The following MUC13 variants were observed in gnomAD, a reference collection of about 807,000 sequenced individuals.
MUC13 encodes mucin-13.
In MUC13, 32 loss-of-function variants were observed where a neutral mutation model predicts 48.3. The observed-to-expected ratio is 0.66, with a 90% CI of 0.50 to 0.89. MUC13 has a LOEUF of 0.89. Among genes scored for constraint, MUC13 ranks in the 40% least tolerant of loss-of-function variants. The pLI is 0.00. For synonymous variants in MUC13, 199 were observed against 224.9 expected (o/e 0.88, Z 1.03); for missense variants, 571 against 622.8 (o/e 0.92, Z 0.88).
At chr3:124,929,656 C>T (rs181451125) in intron 1 of MUC13, among the ~76,000 whole-genome samples, 1 of 152,176 alleles carries the variant, frequency 6.6e-6, no homozygotes, top group Non-Finnish European at 1.5e-5. Context: ...CCTATTCCTG[C>T]CACTCAGGAT....
At chr3:124,906,846 C>T (rs1210115357) in intron 11 of MUC13, 104 bp from the exon 12 acceptor site, 1 of 152,158 alleles carries the variant, frequency 6.6e-6, no homozygotes, top group Non-Finnish European at 1.5e-5. Context: ...CTTTCATTAA[C>T]ATTATTTGTC....
intron 1 of MUC13, among the ~76,000 whole-genome samples, chr3:124,928,678 G>T (rs141403183): frequency 2.0e-5 from 3 of 152,102 alleles, no homozygotes; most frequent in Non-Finnish European, 2.9e-5. Context: ...CACCAGTCCC[G>T]CAGAAGAGTT....
intron 9 of MUC13, among the ~76,000 whole-genome samples, chr3:124,911,772 T>C (rs1935423791): frequency 6.6e-6 from 1 of 152,162 alleles, no homozygotes; most frequent in Non-Finnish European, 1.5e-5. Flanking sequence ...TGGTCTTTTA[T>C]CTCTAGTAGC....
At chr3:124,918,740 G>A (rs1183529631) in intron 5 of MUC13, among the ~76,000 whole-genome samples, 1 of 152,120 alleles carries the variant, frequency 6.6e-6, no homozygotes, top group Non-Finnish European at 1.5e-5. Context: ...ATTCCTGTTT[G>A]TATCCAGTCA....
intron 1 of MUC13, among the ~76,000 whole-genome samples, chr3:124,931,444 A>AT (rs1935795241): frequency 6.6e-6 from 1 of 150,548 alleles, no homozygotes. Flanking sequence ...AAAAAAAAAA[A>AT]GCAACTTTTT....
chr3:124,909,804 G>C (rs1157997278), intron 10 of MUC13, among the ~76,000 whole-genome samples: 1 of 152,172 alleles, frequency 6.6e-6, no homozygotes, highest in Non-Finnish European at 1.5e-5. Flanking sequence ...GACAACTTCA[G>C]TGGAGTTAAA....
intron 6 of MUC13, among the ~76,000 whole-genome samples, chr3:124,914,416 G>GA (rs1204693125): frequency 6.0e-4 from 88 of 145,822 alleles, no homozygotes; most frequent in African/African-American, 6.5e-4. Context: ...GTCTCGGGGA[G>GA]AAAAAAAAAA....
At chr3:124,913,034 T>C in intron 8 of MUC13, 77 bp downstream of exon 8, 1 of 1,525,250 alleles carries the variant, frequency 6.6e-7, no homozygotes, top group Non-Finnish European at 8.9e-7. Context: ...ACTCAACACC[T>C]ATATACGTGT....
intron 2 of MUC13, among the ~76,000 whole-genome samples, 170 bp from the exon 3 acceptor site, chr3:124,923,819 G>A (rs111535897): frequency 4.0e-4 from 61 of 152,100 alleles, no homozygotes; most frequent in African/African-American, 1.4e-3. Context: ...GCTTGCTTAG[G>A]TCTCTAGAGA....
intron 9 of MUC13, among the ~76,000 whole-genome samples, chr3:124,911,025 C>T (rs972438906): frequency 3.9e-5 from 6 of 152,172 alleles, no homozygotes; most frequent in Middle Eastern, 6.3e-3. Flanking sequence ...GGCTATGAGA[C>T]ACAATGTAAC....
chr3:124,928,382 T>C (rs1361290338), intron 1 of MUC13, among the ~76,000 whole-genome samples: 9 of 152,178 alleles, frequency 5.9e-5, no homozygotes, highest in Non-Finnish European at 2.9e-5. Flanking sequence ...AGTTAATGTT[T>C]ATTTATTTAT....
At chr3:124,934,595 C>A (rs1219176718) in intron 1 of MUC13, 66 bp downstream of exon 1, 3 of 1,138,668 alleles carry the variant, frequency 2.6e-6, no homozygotes, top group Non-Finnish European at 4.0e-6. Context: ...AGCTATAGGC[C>A]TGCTGATTCT....
chr3:124,934,534 G>A lies in MUC13; in HGVS notation c.52+127C>T, dbSNP rs1935850920. ...GTCTGTGTCTTTGAGCTGAGCTGGA[G>A]AGGAAACTTCATTTATAAAATAGAC... is the stretch of plus-strand genomic sequence containing the variant. On this transcript the variant is annotated intron_variant, in intron 1 of 11. Coordinates refer to ENST00000616727, the MANE Select transcript of MUC13 (RefSeq NM_033049.4). 1.0e-5 allele frequency: 7 copies of A among 674,186 alleles called. No homozygotes were observed. In the South Asian group the frequency reaches 1.3e-4, roughly 12 times the overall value. 41.8% of individuals were successfully genotyped at this position (674,186 alleles called of 1,614,324 possible). A position where few individuals can be genotyped will look rare whatever the true frequency, so the allele number is the denominator to read the frequency against.
chr3:124,911,914 G>T (rs550949697), intron 9 of MUC13, among the ~76,000 whole-genome samples, 190 bp downstream of exon 9: 1 of 152,256 alleles, frequency 6.6e-6, no homozygotes, highest in African/African-American at 2.4e-5. Context: ...ATGGCAGAGG[G>T]GCTGCTGTTC....
rs539330253 is a variant in MUC13, at chr3:124,913,680, C to T, written c.966G>A (p.Leu322=). 1.2e-5 allele frequency: 19 copies of T among 1,614,120 alleles called. 1 individual carries two copies. The South Asian group carries it at 1.6e-4, about 14-fold the overall frequency. The change falls in exon 7 of 12, where the codon TTG becomes TTA. Residue 322 remains leucine (L), a splice_region_variant and synonymous_variant. Transcript: ENST00000616727. The part of the protein sequence containing the change: ...SSSSNFLNYD[L]TLRCDYYGCN... ...AGCCATAATAATCACACCGAAGGGT[C>T]ACTGAGAAGCACAAATAGTTTAAAA...
intron 2 of MUC13, among the ~76,000 whole-genome samples, chr3:124,925,107 A>G (rs1401499294): frequency 6.6e-6 from 1 of 152,238 alleles, no homozygotes; most frequent in African/African-American, 2.4e-5. Context: ...GAATGGATAA[A>G]CAAACTGGTA....
intron 1 of MUC13, 49 bp from the exon 2 acceptor site, chr3:124,928,042 T>A: frequency 7.9e-7 from 1 of 1,263,572 alleles, no homozygotes; most frequent in Non-Finnish European, 1.1e-6. Flanking sequence ...ATTGAATAAC[T>A]AATGGCAGTT....
Position 124,915,397 on chromosome 3 carries a change from C to T in MUC13, c.964+920G>A, listed in dbSNP as rs181860097. 2.5e-3 allele frequency among the ~76,000 whole-genome samples: 375 copies of T among 152,340 alleles called. 2 individuals carry two copies. Among genetic ancestry groups the T allele is most frequent in the Non-Finnish European group, 4.5e-3 (305 of 68,026 alleles). ...AAATATTTGTGCATTGAATCTTACCCTCTTGCTGCTCTTGAAATCCTTTGG... is the reference window on the plus strand; with the variant it reads ...AAATATTTGTGCATTGAATCTTACCTTCTTGCTGCTCTTGAAATCCTTTGG... On this transcript the variant is annotated intron_variant, in intron 6 of 11. Coordinates refer to ENST00000616727, the MANE Select transcript of MUC13 (RefSeq NM_033049.4).
intron 1 of MUC13, among the ~76,000 whole-genome samples, chr3:124,929,321 G>A (rs2107673992): frequency 6.6e-6 from 1 of 152,234 alleles, no homozygotes; most frequent in South Asian, 2.1e-4. Context: ...GATAACAGGT[G>A]TAAGCCACCT....
Sources: gnomAD v4.1 joint callset for allele counts (sites outside exome capture counted in the v4.1 genomes callset) on GRCh38, gnomAD v4.1.1 for gene constraint, MANE v1.5 for transcripts, NCBI Gene and HGNC (gene_info 2026-07-23, HGNC 2026-07-21) for gene names.